The following GNB1L variants were observed in gnomAD, a reference collection of about 807,000 sequenced individuals.
The protein encoded by GNB1L is G protein subunit beta 1 like.
In GNB1L, 20 loss-of-function variants were observed where a neutral mutation model predicts 29.1. That is an observed-to-expected ratio of 0.69 (90% CI 0.48 to 1.00). The LOEUF is 1.00. Ranked by LOEUF, GNB1L falls within the 50% of genes least tolerant of loss-of-function variation. GNB1L has a pLI of 0.00. For missense variants in GNB1L, 421 were observed against 464.9 expected, an observed-to-expected ratio of 0.91 and a Z score of 0.87; for synonymous variants, 193 against 206.5, an observed-to-expected ratio of 0.93 and a Z score of 0.56.
chr22:19,820,543 A>C, intron 4 of GNB1L, 55 bp downstream of exon 4: 1 of 1,561,438 alleles, frequency 6.4e-7, no homozygotes, highest in Non-Finnish European at 8.7e-7. Context: ...CCTCCATCAG[A>C]GAGTTCCTGA....
intron 2 of GNB1L, among the ~76,000 whole-genome samples, chr22:19,833,889 TAATATAAATATA>T (rs895295782): frequency 1.3e-5 from 2 of 149,500 alleles, no homozygotes; most frequent in African/African-American, 4.9e-5. Flanking sequence ...ATAATAATAA[TAATATAAATATA>T]AATATAAATA....
intron 2 of GNB1L, among the ~76,000 whole-genome samples, chr22:19,841,296 A>C (rs1202448414): frequency 6.6e-6 from 1 of 152,140 alleles, no homozygotes; most frequent in Admixed American, 6.5e-5. Flanking sequence ...ATTGTACAAG[A>C]TTCTTGTGCT....
At chr22:19,822,123 G>A (rs1185958954) in intron 2 of GNB1L, among the ~76,000 whole-genome samples, 1 of 152,140 alleles carries the variant, frequency 6.6e-6, no homozygotes, top group South Asian at 2.1e-4. Flanking sequence ...ATTTCTAACC[G>A]CTATCACCAC....
chr22:19,849,114 T>C, intron 2 of GNB1L: 28 of 985,418 alleles, frequency 2.8e-5, no homozygotes, highest in Non-Finnish European at 3.3e-5. Flanking sequence ...CAGGGACTTC[T>C]CACATCTGAC....
At chr22:19,852,411 G>C in intron 2 of GNB1L, 2 of 789,874 alleles carry the variant, frequency 2.5e-6, no homozygotes, top group Non-Finnish European at 4.1e-6. Flanking sequence ...GAGGATCAGG[G>C]AGCTGACAGC....
intron 6 of GNB1L, among the ~76,000 whole-genome samples, chr22:19,805,565 G>A (rs901437399): frequency 2.0e-5 from 3 of 152,034 alleles, no homozygotes; most frequent in East Asian, 1.9e-4. Flanking sequence ...GGCGGATCAC[G>A]AGGTCAGGAG....
intron 2 of GNB1L, among the ~76,000 whole-genome samples, chr22:19,837,258 G>T (rs985359350): frequency 6.6e-6 from 1 of 152,146 alleles, no homozygotes. Context: ...GAGCCACCAC[G>T]CCCGGCCTGA....
chr22:19,821,325 C>A lies in GNB1L; in HGVS notation c.31G>T (p.Asp11Tyr). 1 of 1,613,094 alleles carries A rather than the reference C, an allele frequency of 6.2e-7. No homozygotes were observed. The highest frequency in any genetic ancestry group is 8.5e-7 in the Non-Finnish European group (1 of 1,179,712). Residue 11 changes from aspartate (D) to tyrosine (Y), a missense_variant, in exon 3 of 8, where the codon GAC becomes TAC. Physicochemically the swap from Asp to Tyr is radical, Grantham distance 160. Coordinates refer to ENST00000329517, the MANE Select transcript of GNB1L (RefSeq NM_053004.3). ...GTGCCTCGGAGGACAAACTGGGGGT[C>A]TGGAGGTGGCGGCGGGCAGGGGGCC... MTAPCPPPPP[D>Y]PQFVLRGTQS...
At chr22:19,824,950 G>A (rs1443809973) in intron 2 of GNB1L, among the ~76,000 whole-genome samples, 1 of 152,214 alleles carries the variant, frequency 6.6e-6, no homozygotes, top group Non-Finnish European at 1.5e-5. Context: ...CCCTCGGGCT[G>A]CACAGCCCTG....
intron 2 of GNB1L, chr22:19,849,356 G>A (rs1011643534): frequency 1.1e-6 from 1 of 935,646 alleles, no homozygotes. Flanking sequence ...TCTAAATAAG[G>A]TTTTTGTTTT....
chr22:19,819,521 C>A (rs16984225), intron 4 of GNB1L, among the ~76,000 whole-genome samples: 1 of 152,158 alleles, frequency 6.6e-6, no homozygotes, highest in Admixed American at 6.5e-5. Context: ...TCACTAGGCT[C>A]TTCCCAGCAG....
intron 2 of GNB1L, among the ~76,000 whole-genome samples, chr22:19,823,893 G>A (rs185494994): frequency 2.5e-4 from 38 of 152,268 alleles, no homozygotes; most frequent in African/African-American, 7.2e-5. Context: ...AGGCACTCAC[G>A]TATGTGCACA....
intron 3 of GNB1L, 62 bp from the exon 4 acceptor site, chr22:19,820,785 C>G: frequency 6.4e-7 from 1 of 1,552,676 alleles, no homozygotes; most frequent in Non-Finnish European, 8.8e-7. Context: ...TGCTCTGGGG[C>G]CAGCCTGGAG....
chr22:19,851,173 C>A, intron 2 of GNB1L: 1 of 1,589,618 alleles, frequency 6.3e-7, no homozygotes, highest in South Asian at 1.1e-5. Flanking sequence ...GTGTTCAGAA[C>A]CCAGGAGAAA....
At chr22:19,829,960 C>T (rs976546125) in intron 2 of GNB1L, among the ~76,000 whole-genome samples, 25 of 152,004 alleles carry the variant, frequency 1.6e-4, no homozygotes, top group African/African-American at 5.8e-4. Context: ...TACTACCATT[C>T]GACATTGTAG....
chr22:19,819,696 A>T (rs1937562652), intron 4 of GNB1L, among the ~76,000 whole-genome samples: 1 of 152,138 alleles, frequency 6.6e-6, no homozygotes, highest in Non-Finnish European at 1.5e-5. Context: ...ACCTCTGTGG[A>T]CCCTTCCTGC....
At chr22:19,793,395 G>T (rs1289803640) in intron 7 of GNB1L, among the ~76,000 whole-genome samples, 1 of 152,080 alleles carries the variant, frequency 6.6e-6, no homozygotes, top group East Asian at 1.9e-4. Context: ...TGCCCAATCT[G>T]AAGAGAGAAA....
At chr22:19,845,574 G>A (rs1937942872) in intron 2 of GNB1L, among the ~76,000 whole-genome samples, 1 of 152,232 alleles carries the variant, frequency 6.6e-6, no homozygotes, top group Non-Finnish European at 1.5e-5. Flanking sequence ...CCCTGTGCTG[G>A]GGGTGGTTCC....
intron 7 of GNB1L, among the ~76,000 whole-genome samples, chr22:19,789,529 C>T (rs997431264): frequency 7.9e-5 from 12 of 151,998 alleles, no homozygotes; most frequent in Non-Finnish European, 1.3e-4. Flanking sequence ...AAGGGGGAGA[C>T]GCCCTGGAGG....
Sources: allele counts gnomAD v4.1 joint callset (sites outside exome capture counted in the v4.1 genomes callset), GRCh38; gene constraint gnomAD v4.1.1; transcripts MANE v1.5; gene names NCBI Gene and HGNC (gene_info 2026-07-23, HGNC 2026-07-21).